HNF4G: variants seen among roughly 807,000 people sequenced by gnomAD.
HNF4G encodes the protein hepatocyte nuclear factor 4-gamma.
In HNF4G, 21 loss-of-function variants were observed where a neutral mutation model predicts 50.9. The observed-to-expected ratio is 0.41, with a 90% CI of 0.29 to 0.59. The LOEUF (loss-of-function observed/expected upper bound fraction) is 0.59. HNF4G is among the 20% of genes least tolerant of loss of function. The probability of loss-of-function intolerance (pLI) is 0.26; values close to 1 mark genes in which losing one functional copy is unlikely to be tolerated. For synonymous variants in HNF4G, 198 were observed against 185.6 expected, an observed-to-expected ratio of 1.07 and a Z score of -0.54; for missense variants, 527 against 559.4, an observed-to-expected ratio of 0.94 and a Z score of 0.58.
At chr8:75,546,532 A>G (rs1359670478) in intron 2 of HNF4G, among the ~76,000 whole-genome samples, 1 of 152,014 alleles carries the variant, frequency 6.6e-6, no homozygotes, top group Non-Finnish European at 1.5e-5. Flanking sequence ...TCCCTCCCCA[A>G]CAATATGAGG....
At chr8:75,508,245 A>G (rs902289994) in intron 2 of HNF4G, among the ~76,000 whole-genome samples, 13 of 152,054 alleles carry the variant, frequency 8.5e-5, no homozygotes, top group Admixed American at 3.3e-4. Context: ...TCCAAGAAGA[A>G]CTTTTCCATG....
chr8:75,480,716 TC>T (rs1812355087), intron 1 of HNF4G, among the ~76,000 whole-genome samples: 1 of 88,006 alleles, frequency 1.1e-5, no homozygotes, highest in Non-Finnish European at 2.4e-5. Context: ...TTTTTCTTTT[TC>T]TTTCTTTTTT....
chr8:75,479,763 T>C (rs1019964112), intron 1 of HNF4G, among the ~76,000 whole-genome samples: 15 of 151,360 alleles, frequency 9.9e-5, no homozygotes, highest in South Asian at 2.1e-4. Context: ...CTGAAAAATA[T>C]GAAAAAAAAA....
At chr8:75,532,169 C>T (rs1515017) in intron 2 of HNF4G, among the ~76,000 whole-genome samples, 105,279 of 151,848 alleles carry the variant, frequency 0.69, 38,371 homozygotes, top group African/African-American at 0.92. Flanking sequence ...TGGAACTGCA[C>T]ATGTTATTTT....
At chr8:75,453,504 G>GC (rs777845560) in intron 1 of HNF4G, among the ~76,000 whole-genome samples, 71 of 116,382 alleles carry the variant, frequency 6.1e-4, no homozygotes, top group East Asian at 4.8e-4. Flanking sequence ...CCACCCCCCT[G>GC]CCCCCCCGCC....
chr8:75,518,205 T>C (rs1215980506), intron 2 of HNF4G, among the ~76,000 whole-genome samples: 1 of 145,566 alleles, frequency 6.9e-6, no homozygotes, highest in African/African-American at 2.5e-5. Context: ...GTTCTCATTG[T>C]TCAGTTCCCA....
chr8:75,485,994 T>C (rs1279703746), intron 1 of HNF4G, among the ~76,000 whole-genome samples: 3 of 152,206 alleles, frequency 2.0e-5, no homozygotes, highest in Non-Finnish European at 4.4e-5. Context: ...GCTTCCCTAC[T>C]AGGTCTGCTC....
At chr8:75,463,711 T>C (rs1172929594) in intron 1 of HNF4G, among the ~76,000 whole-genome samples, 2 of 152,046 alleles carry the variant, frequency 1.3e-5, no homozygotes, top group African/African-American at 4.8e-5. Context: ...AGGTGTCAAG[T>C]TTGTTTATAT....
In HNF4G at chr8:75,409,633, C is replaced by T. The variant is rs777254379; in HGVS notation, c.-144+1471C>T. Among the ~76,000 whole-genome samples the T allele has an allele frequency of 9.2e-5, 14 of 151,624 alleles. 1 individual carries two copies. Among genetic ancestry groups the T allele is most frequent in the Admixed American group, 6.6e-4 (10 of 15,212 alleles). On this transcript the variant is annotated intron_variant, in intron 1 of 10. Transcript: ENST00000354370. ...CCTCCAGAGTAGCTGGGATTACAGG[C>T]GCCCACCACCACACCCGGCTGATTT...
intron 1 of HNF4G, among the ~76,000 whole-genome samples, chr8:75,441,364 G>A (rs1324470833): frequency 6.6e-6 from 1 of 151,420 alleles, no homozygotes; most frequent in Non-Finnish European, 1.5e-5. Context: ...TCACACCTTA[G>A]CCTCCTGAGC....
intron 1 of HNF4G, among the ~76,000 whole-genome samples, chr8:75,440,700 A>C (rs1811258893): frequency 6.6e-6 from 1 of 152,230 alleles, no homozygotes; most frequent in Non-Finnish European, 1.5e-5. Flanking sequence ...GATTAAAACT[A>C]AATACACAAA....
chr8:75,469,834 C>T (rs564890327), intron 1 of HNF4G, among the ~76,000 whole-genome samples: 55 of 152,094 alleles, frequency 3.6e-4, no homozygotes, highest in Non-Finnish European at 7.2e-4. Flanking sequence ...TTTCAAGTCC[C>T]CTCAGTCAAT....
At chr8:75,475,272 T>A (rs1372228632) in intron 1 of HNF4G, among the ~76,000 whole-genome samples, 1 of 152,202 alleles carries the variant, frequency 6.6e-6, no homozygotes, top group African/African-American at 2.4e-5. Flanking sequence ...CCTCCCAAAG[T>A]GTTGGGATCA....
At chr8:75,465,959 G>A (rs1355847663) in intron 1 of HNF4G, among the ~76,000 whole-genome samples, 1 of 152,140 alleles carries the variant, frequency 6.6e-6, no homozygotes, top group Non-Finnish European at 1.5e-5. Context: ...TTATGTGTGT[G>A]TGTTTGTGTG....
chr8:75,489,753 C>A (rs1812578919), intron 1 of HNF4G, among the ~76,000 whole-genome samples: 1 of 152,204 alleles, frequency 6.6e-6, no homozygotes, highest in South Asian at 2.1e-4. Flanking sequence ...TATCTGATGA[C>A]TTACAAATGA....
intron 2 of HNF4G, among the ~76,000 whole-genome samples, chr8:75,498,071 G>T (rs1055332183): frequency 6.6e-6 from 1 of 151,960 alleles, no homozygotes; most frequent in African/African-American, 2.4e-5. Flanking sequence ...ACAAAAAAAA[G>T]ATATGCTTAA....
intron 2 of HNF4G, among the ~76,000 whole-genome samples, chr8:75,516,807 T>A (rs573849378): frequency 6.6e-6 from 1 of 152,312 alleles, no homozygotes; most frequent in East Asian, 1.9e-4. Flanking sequence ...TTATATAAGG[T>A]CACTATTATT....
chr8:75,461,781 G>T (rs572815304), intron 1 of HNF4G, among the ~76,000 whole-genome samples: 198 of 151,120 alleles, frequency 1.3e-3, no homozygotes, highest in African/African-American at 4.5e-3. Context: ...TTATAAATTA[G>T]GCATAGTAAA....
At chr8:75,551,627 G>A (rs1373779995) in intron 4 of HNF4G, 133 bp downstream of exon 4, 2 of 525,366 alleles carry the variant, frequency 3.8e-6, no homozygotes, top group South Asian at 3.2e-5. Flanking sequence ...ACAATTAAGA[G>A]TTTTACTTTG....
Sources: gnomAD v4.1 joint callset for allele counts (sites outside exome capture counted in the v4.1 genomes callset) on GRCh38, gnomAD v4.1.1 for gene constraint, MANE v1.5 for transcripts, NCBI Gene and HGNC (gene_info 2026-07-23, HGNC 2026-07-21) for gene names.